FGF14: variants seen among roughly 807,000 people sequenced by gnomAD.
FGF14 encodes the protein fibroblast growth factor homologous factor 4.
A neutral mutation model predicts 25.5 loss-of-function variants in FGF14; 5 were observed. That is an observed-to-expected ratio of 0.20 (90% CI 0.10 to 0.41). FGF14 has a LOEUF of 0.41. Among genes scored for constraint, FGF14 ranks in the 10% least tolerant of loss-of-function variants. The pLI is 1.00. For missense variants in FGF14, 222 were observed against 320.1 expected (o/e 0.69, Z 2.34); for synonymous variants, 138 against 118.3 (o/e 1.17, Z -1.08).
intron 1 of FGF14, among the ~76,000 whole-genome samples, chr13:102,188,954 A>G (rs1259299257): frequency 2.1e-5 from 1 of 48,580 alleles, no homozygotes; most frequent in Non-Finnish European, 4.0e-5. Context: ...GAGAGAAAGA[A>G]AGAAAGAAAG....
intron 3 of FGF14, among the ~76,000 whole-genome samples, chr13:101,852,581 T>C (rs746298242): frequency 1.4e-5 from 2 of 139,086 alleles, no homozygotes; most frequent in African/African-American, 2.5e-5. Context: ...TGCTTTTAAA[T>C]ACATCCTTTC....
At chr13:101,961,024 AT>A (rs1438351517) in intron 1 of FGF14, among the ~76,000 whole-genome samples, 5 of 152,070 alleles carry the variant, frequency 3.3e-5, no homozygotes, top group Admixed American at 6.6e-5. Context: ...TCTTTTGCCC[AT>A]TTTTTAATGG....
chr13:102,054,427 C>T (rs1042456667), intron 1 of FGF14, among the ~76,000 whole-genome samples: 7 of 152,160 alleles, frequency 4.6e-5, no homozygotes, highest in Non-Finnish European at 2.9e-5. Flanking sequence ...TCCCATACCA[C>T]TGTTTGGCCA....
chr13:102,353,447 G>C (rs2057342627), intron 1 of FGF14, among the ~76,000 whole-genome samples: 2 of 152,168 alleles, frequency 1.3e-5, no homozygotes, highest in Admixed American at 6.5e-5. Context: ...CTAAGCTTCT[G>C]ACATAGATAC....
intron 1 of FGF14, among the ~76,000 whole-genome samples, chr13:102,169,149 G>T (rs746969495): frequency 2.0e-5 from 3 of 150,552 alleles, no homozygotes; most frequent in Non-Finnish European, 4.4e-5. Context: ...TACACTAAAG[G>T]GCCTACACTT....
In FGF14 at chr13:101,740,714, C is replaced by A. The variant is rs142848589; in HGVS notation, c.409-13904G>T. On this transcript the variant is annotated intron_variant, in intron 3 of 4. Transcript: ENST00000376143. ...CATAAGTTTCCAGAGTGCTTTCTGT[C>A]CTTTTACAGAATATCATTTCAAATA... Among the ~76,000 whole-genome samples, 456 of 151,812 alleles carry A rather than the reference C, an allele frequency of 3.0e-3. 4 individuals carry two copies. The highest frequency in any genetic ancestry group is 5.0e-3 in the Non-Finnish European group (339 of 67,948).
upstream of FGF14, among the ~76,000 whole-genome samples, chr13:101,917,596 C>G (rs1046068053): frequency 2.0e-5 from 3 of 151,918 alleles, no homozygotes; most frequent in Non-Finnish European, 2.9e-5. Flanking sequence ...TTTCCGCCCT[C>G]CCTGCTAATC....
intron 1 of FGF14, among the ~76,000 whole-genome samples, chr13:102,011,361 C>T (rs1242012463): frequency 6.6e-6 from 1 of 152,220 alleles, no homozygotes; most frequent in African/African-American, 2.4e-5. Flanking sequence ...GAGAATAAGA[C>T]TTAAGTGTCT....
chr13:101,998,013 GC>G (rs1342820293), intron 1 of FGF14, among the ~76,000 whole-genome samples: 1 of 152,078 alleles, frequency 6.6e-6, no homozygotes, highest in Non-Finnish European at 1.5e-5. Context: ...CGTGGCCAGA[GC>G]AGCTACAATT....
chr13:101,912,977 AT>A (rs11295569), intron 1 of FGF14, among the ~76,000 whole-genome samples: 5,849 of 152,208 alleles, frequency 0.038, 393 homozygotes, highest in African/African-American at 0.13. Context: ...AATCAGCTGA[AT>A]ATGTATACTT....
chr13:102,038,379 T>C (rs1221197916), intron 1 of FGF14, among the ~76,000 whole-genome samples: 2 of 152,128 alleles, frequency 1.3e-5, no homozygotes, highest in East Asian at 1.9e-4. Context: ...GTAGAAGAGA[T>C]TGACTGAAGC....
chr13:102,084,211 C>T (rs1240534034), intron 1 of FGF14, among the ~76,000 whole-genome samples: 1 of 152,124 alleles, frequency 6.6e-6, no homozygotes, highest in African/African-American at 2.4e-5. Flanking sequence ...CCACACATTT[C>T]CTAACCTCTA....
At chr13:102,361,919 T>C (rs940876585) in intron 1 of FGF14, among the ~76,000 whole-genome samples, 2 of 152,132 alleles carry the variant, frequency 1.3e-5, no homozygotes, top group African/African-American at 2.4e-5. Flanking sequence ...AGGGCTGACA[T>C]GGTGGTTTCA....
At chr13:102,328,104 G>T (rs2056519975) in intron 1 of FGF14, among the ~76,000 whole-genome samples, 1 of 152,060 alleles carries the variant, frequency 6.6e-6, no homozygotes, top group Non-Finnish European at 1.5e-5. Flanking sequence ...GAGCACGAAT[G>T]GTCTTCTCCA....
chr13:101,804,500 T>C (rs2041087947), intron 3 of FGF14, among the ~76,000 whole-genome samples: 2 of 152,166 alleles, frequency 1.3e-5, no homozygotes, highest in Admixed American at 6.6e-5. Context: ...GCACAGATTT[T>C]CCATGCCTCA....
chr13:102,208,321 A>G (rs2050023494), intron 1 of FGF14, among the ~76,000 whole-genome samples: 1 of 152,196 alleles, frequency 6.6e-6, no homozygotes, highest in Admixed American at 6.5e-5. Flanking sequence ...GTTGTTCAGG[A>G]GCATTTGTGT....
At chr13:102,002,397 G>C (rs992982222) in intron 1 of FGF14, 10 of 153,800 alleles carry the variant, frequency 6.5e-5, no homozygotes, top group African/African-American at 2.4e-4. Flanking sequence ...ACCTGAACCT[G>C]TTGAGGGAAG....
chr13:102,073,951 C>T (rs1328867118), intron 1 of FGF14, among the ~76,000 whole-genome samples: 1 of 152,194 alleles, frequency 6.6e-6, no homozygotes, highest in East Asian at 1.9e-4. Flanking sequence ...TTCTCATTCG[C>T]TCCCTCTCTC....
At chr13:102,102,036 A>C (rs910133179) in intron 1 of FGF14, among the ~76,000 whole-genome samples, 6 of 152,188 alleles carry the variant, frequency 3.9e-5, no homozygotes, top group African/African-American at 1.4e-4. Flanking sequence ...CCTGCAAGAG[A>C]AGGAAGTTGC....
Sources: gnomAD v4.1 joint callset for allele counts (sites outside exome capture counted in the v4.1 genomes callset) on GRCh38, gnomAD v4.1.1 for gene constraint, MANE v1.5 for transcripts, NCBI Gene and HGNC (gene_info 2026-07-23, HGNC 2026-07-21) for gene names.